TJP1: variants seen among roughly 807,000 people sequenced by gnomAD.
TJP1 encodes the protein tight junction protein 1, also known as tight junction protein ZO-1.
A neutral mutation model predicts 194.2 loss-of-function variants in TJP1; 43 were observed. That is an observed-to-expected ratio of 0.22 (90% CI 0.17 to 0.29). The LOEUF (loss-of-function observed/expected upper bound fraction) is 0.29, where lower values mean the gene tolerates loss of function less well. TJP1 is among the 10% of genes least tolerant of loss of function. The pLI is 1.00. For synonymous variants in TJP1, 801 were observed against 779.0 expected (o/e 1.03, Z -0.47); for missense variants, 1,971 against 2,185.7 (o/e 0.90, Z 1.96).
chr15:29,794,661 G>A lies in TJP1; in HGVS notation c.84+5985C>T, dbSNP rs146787401. Among the ~76,000 whole-genome samples the A allele has an allele frequency of 7.9e-4, 120 of 152,252 alleles. 1 individual carries two copies. The East Asian group carries it at 0.02, about 26-fold the overall frequency. The stretch of plus-strand genomic sequence containing the variant: ...GAATTCCTAACAAAACCAAGCAAGA[G>A]CATACAAAGGGAAACATACTTTAGC... On this transcript the variant is annotated intron_variant, in intron 2 of 27. Coordinates refer to ENST00000614355, the MANE Select transcript of TJP1 (RefSeq NM_001330239.4).
In TJP1 at chr15:29,734,278, C is replaced by T. The variant is rs1204086006; in HGVS notation, c.1512G>A (p.Lys504=). ...CATTTTCTGACAGCATCTCACCATC[C>T]TTCTTCTTCTGAGCCAATATGGTCA... ...EEVTILAQKK[K]DVYRRIVESD... The change falls in exon 12 of 28, where the codon AAG becomes AAA. Residue 504 remains lysine (K), a synonymous_variant. Transcript: ENST00000614355. 27 of 1,601,364 alleles carry T rather than the reference C, an allele frequency of 1.7e-5. No individual in the cohort carries two copies. Among genetic ancestry groups the T allele is most frequent in the South Asian group, 2.3e-5 (2 of 88,474 alleles).
chr15:29,782,272 G>C (rs571374164), intron 2 of TJP1, among the ~76,000 whole-genome samples: 1 of 152,110 alleles, frequency 6.6e-6, no homozygotes, highest in African/African-American at 2.4e-5. Context: ...AAAGCTGGAG[G>C]CATTAGGTTA....
chr15:29,749,600 T>G (rs1242737223), intron 8 of TJP1, among the ~76,000 whole-genome samples: 2 of 152,032 alleles, frequency 1.3e-5, no homozygotes, highest in African/African-American at 2.4e-5. Flanking sequence ...CTCCAGAGAC[T>G]CTCTCAAACG....
intron 8 of TJP1, among the ~76,000 whole-genome samples, chr15:29,755,116 T>C (rs2045562707): frequency 6.6e-6 from 1 of 152,206 alleles, no homozygotes; most frequent in African/African-American, 2.4e-5. Context: ...ACGTTTAAGA[T>C]ACACAAATGC....
At chr15:29,735,394 G>A (rs1214778788) in intron 11 of TJP1, among the ~76,000 whole-genome samples, 3 of 152,008 alleles carry the variant, frequency 2.0e-5, no homozygotes, top group Non-Finnish European at 4.4e-5. Context: ...TTTGAGACCA[G>A]TCTGGGCCAC....
In TJP1 at chr15:29,734,324, T is replaced by G; in HGVS notation, c.1466A>C (p.Asp489Ala). The G allele has an allele frequency of 1.9e-6, 3 of 1,612,866 alleles. No homozygotes were observed. The highest frequency in any genetic ancestry group is 2.5e-6 in the Non-Finnish European group (3 of 1,179,806). The change falls in exon 12 of 28, where the codon GAC (aspartate) becomes GCC (alanine). Residue 489 changes from aspartate to alanine, a missense_variant. Asp to Ala is a moderately radical substitution (Grantham distance 126, BLOSUM62 -2). Transcript: ENST00000614355. ...IREEAVLFLL[D>A]LPKGEEVTIL... ...GGTCACTTCTTCTCCTTTAGGGAGG[T>G]CAAGCAGGAAAAGGACGGCTTCTTC...
At chr15:29,728,886 A>G (rs2043412816) in intron 15 of TJP1, 1 of 152,226 alleles carries the variant, frequency 6.6e-6, no homozygotes, top group African/African-American at 2.4e-5. Flanking sequence ...TTAAGAAGAA[A>G]GATCAACTGG....
chr15:29,732,811 C>T lies in TJP1; in HGVS notation c.1741G>A (p.Glu581Lys). Residue 581 changes from glutamate to lysine, a missense_variant, in exon 14 of 28, where the codon GAG (glutamate) becomes AAG (lysine). Physicochemically the swap from Glu to Lys is moderately conservative, Grantham distance 56. This residue lies in a region of TJP1 where 402 missense variants were observed against 484.2 expected (regional missense o/e 0.83). Coordinates refer to ENST00000614355, the MANE Select transcript of TJP1 (RefSeq NM_001330239.4). ...GTATACTGTACACTGGCTAGCTGCT[C>T]AGCTCTACACAAGAAAGGAGAAAAT... is the stretch of plus-strand genomic sequence containing the variant. Reference protein sequence around the residue: ...RGIIPNKNRAEQLASVQYTLP... With the variant: ...RGIIPNKNRAKQLASVQYTLP... 1 of 1,568,722 alleles carries T rather than the reference C, an allele frequency of 6.4e-7. No individual in the cohort carries two copies. Among genetic ancestry groups the T allele is most frequent in the Non-Finnish European group, 8.6e-7 (1 of 1,163,194 alleles).
intron 2 of TJP1, among the ~76,000 whole-genome samples, chr15:29,833,881 A>ATTTTTTTTTTT (rs10650949): frequency 7.9e-5 from 1 of 12,616 alleles, no homozygotes; most frequent in African/African-American, 3.0e-4. Context: ...ATATATATAT[A>ATTTTTTTTTTT]TTTTTTTTTT....
At chr15:29,782,975 C>G (rs1385361219) in intron 2 of TJP1, among the ~76,000 whole-genome samples, 1 of 149,984 alleles carries the variant, frequency 6.7e-6, no homozygotes, top group East Asian at 2.0e-4. Context: ...GAAATGCAAA[C>G]TGAAACCACA....
In TJP1 at chr15:29,822,416, C is replaced by G. The variant is rs2050463437; in HGVS notation, c.-388G>C. The G allele has an allele frequency of 3.0e-6, 3 of 992,932 alleles. No homozygotes were observed. The allele number at this position is 992,932 out of a possible 1,614,324, so 61.5% of individuals were successfully genotyped here. On this transcript the variant is annotated 5_prime_UTR_variant, in exon 1 of 28. Transcript: ENST00000614355. ...GTAACTTCCCGGGAACCGGCGGCCG[C>G]CAAGGAACGCGGCGTCCGCTGGCTC...
At chr15:29,749,510 G>A (rs538961504) in intron 8 of TJP1, among the ~76,000 whole-genome samples, 6 of 152,136 alleles carry the variant, frequency 3.9e-5, no homozygotes, top group African/African-American at 7.2e-5. Context: ...CTGGGGAGAC[G>A]CTGTAGGAGA....
intron 2 of TJP1, among the ~76,000 whole-genome samples, chr15:29,921,570 G>C (rs1368871089): frequency 2.0e-5 from 3 of 152,122 alleles, no homozygotes; most frequent in African/African-American, 7.2e-5. Context: ...AGCTCTCACG[G>C]GGCTTTGCTG....
chr15:29,783,342 C>A (rs563329006), intron 2 of TJP1, among the ~76,000 whole-genome samples: 24 of 150,104 alleles, frequency 1.6e-4, no homozygotes, highest in South Asian at 1.5e-3. Flanking sequence ...TAAAAAAAGT[C>A]AAAAAAAAAT....
chr15:29,870,316 A>G (rs2052468404), intron 2 of TJP1, among the ~76,000 whole-genome samples: 1 of 152,232 alleles, frequency 6.6e-6, no homozygotes, highest in African/African-American at 2.4e-5. Flanking sequence ...GAAAAAAAAG[A>G]GAAAGGGATC....
chr15:29,887,716 T>A (rs1220530950), intron 2 of TJP1, among the ~76,000 whole-genome samples: 1 of 152,190 alleles, frequency 6.6e-6, no homozygotes, highest in Admixed American at 6.5e-5. Flanking sequence ...AATCTTAAAC[T>A]TCTATTTTTA....
At chr15:29,905,896 T>C (rs1416958573) in intron 2 of TJP1, among the ~76,000 whole-genome samples, 4 of 152,196 alleles carry the variant, frequency 2.6e-5, no homozygotes, top group Non-Finnish European at 5.9e-5. Context: ...AGAGGGTTTC[T>C]AGGGCAGTGA....
chr15:29,794,886 G>A (rs1354228214), intron 2 of TJP1, among the ~76,000 whole-genome samples: 1 of 151,994 alleles, frequency 6.6e-6, no homozygotes, highest in Admixed American at 6.6e-5. Context: ...AGAAATCAAT[G>A]AAACAGAAAA....
chr15:29,727,204 C>A (rs1039024978), intron 16 of TJP1, among the ~76,000 whole-genome samples: 2 of 152,012 alleles, frequency 1.3e-5, no homozygotes, highest in Admixed American at 6.6e-5. Context: ...ACTAGCCAGG[C>A]ATGGTGGTGC....
Sources: allele counts gnomAD v4.1 joint callset (sites outside exome capture counted in the v4.1 genomes callset), GRCh38; gene constraint gnomAD v4.1.1; regional missense constraint gnomAD v4.1.1; transcripts MANE v1.5; gene names NCBI Gene and HGNC (gene_info 2026-07-23, HGNC 2026-07-21).